Variants in FBXL8 observed in about 807,000 individuals in gnomAD.
FBXL8 encodes F-box and leucine rich repeat protein 8.
A neutral mutation model predicts 8.2 loss-of-function variants in FBXL8; 13 were observed. The observed-to-expected ratio is 1.58, with a 90% CI of 1.03 to 2.51. FBXL8 has a LOEUF of 2.51. Ranked by LOEUF, FBXL8 falls within the 30% of genes most tolerant of loss-of-function variation. The pLI is 0.00. For missense variants in FBXL8, 565 were observed against 540.4 expected (o/e 1.05, Z -0.45); for synonymous variants, 271 against 260.5 (o/e 1.04, Z -0.39).
At position 67,163,255 on chromosome 16, in the gene FBXL8, T is replaced by C; in HGVS notation, c.560T>C (p.Leu187Pro). ...SVGPGSVLEL[L>P]EACPRLRALG... ...GGTCCCGGCTCAGTGCTCGAGCTAC[T>C]GGAGGCCTGCCCGCGCCTGCGCGCT... Residue 187 changes from leucine to proline, a missense_variant, in exon 3 of 3, where the codon CTG becomes CCG. Transcript: ENST00000258200. 1 of 1,567,514 alleles carries C rather than the reference T, an allele frequency of 6.4e-7. No homozygotes were observed. The highest frequency in any genetic ancestry group is 8.6e-7 in the Non-Finnish European group (1 of 1,157,278).
At position 67,163,107 on chromosome 16, in the gene FBXL8, C is replaced by G. The variant is rs533837976; in HGVS notation, c.412C>G (p.Arg138Gly). The change falls in exon 3 of 3, where the codon CGC (arginine) becomes GGC (glycine). Residue 138 changes from arginine to glycine, a missense_variant. Coordinates refer to ENST00000258200, the MANE Select transcript of FBXL8 (RefSeq NM_018378.3). ...HAVCGAASQL[R>G]HLDLRRLSFT... ...TGTATGCGGGGCGGCCAGCCAGCTA[C>G]GCCACCTCGACCTGCGGCGCTTGTC... 11 of 1,581,274 alleles carry G rather than the reference C, an allele frequency of 7.0e-6. No homozygotes were observed. The highest frequency in any genetic ancestry group is 9.4e-6 in the Non-Finnish European group (11 of 1,164,490).
chr16:67,161,958 T>C, intron 2 of FBXL8, 21 bp downstream of exon 2: 1 of 1,582,164 alleles, frequency 6.3e-7, no homozygotes, highest in Non-Finnish European at 8.6e-7. Context: ...TCCTCCACAC[T>C]CCTCTCCCCA....
At chr16:67,162,736 G>A (rs1007643892) in intron 2 of FBXL8, 112 bp from the exon 3 acceptor site, 2 of 1,420,912 alleles carry the variant, frequency 1.4e-6, no homozygotes, top group Non-Finnish European at 9.7e-7. Flanking sequence ...GACGTGGGGA[G>A]GGAGGCAGGA....
chr16:67,160,421 A>G (rs1044197173), intron 1 of FBXL8: 1 of 152,304 alleles, frequency 6.6e-6, no homozygotes, highest in Admixed American at 6.5e-5. Flanking sequence ...CCTTAAAACA[A>G]GATTGGCGGC....
At chr16:67,162,352 G>C in intron 2 of FBXL8, 1 of 517,256 alleles carries the variant, frequency 1.9e-6, no homozygotes, top group Non-Finnish European at 3.5e-6. Flanking sequence ...AATTGCTGAC[G>C]TATTGACTGC....
rs771434965 is a variant in FBXL8, at chr16:67,163,464, G to C, written c.769G>C (p.Glu257Gln). The C allele has an allele frequency of 1.7e-5, 26 of 1,536,232 alleles. No individual in the cohort carries two copies. The Admixed American group carries it at 2.9e-4, about 17-fold the overall frequency. Residue 257 changes from glutamate (E) to glutamine (Q), a missense_variant, in exon 3 of 3, where the codon GAG (glutamate) becomes CAG (glutamine). Glu to Gln is a conservative substitution (Grantham distance 29, BLOSUM62 2). Coordinates refer to ENST00000258200, the MANE Select transcript of FBXL8 (RefSeq NM_018378.3). ...RRHPGLAVEL[E>Q]LEPALPAESV... ...CCACCCTGGGCTGGCAGTGGAGCTG[G>C]AGCTGGAGCCCGCGCTGCCCGCTGA...
At chr16:67,160,390 G>C (rs2030859091) in intron 1 of FBXL8, 1 of 152,240 alleles carries the variant, frequency 6.6e-6, no homozygotes, top group South Asian at 2.1e-4. Context: ...GTGAAGCCTT[G>C]TGTACACAAA....
intron 1 of FBXL8, 72 bp downstream of exon 1, chr16:67,160,128 G>T (rs921677901): frequency 1.3e-5 from 2 of 152,234 alleles, no homozygotes; most frequent in African/African-American, 4.8e-5. Flanking sequence ...TTACGAGGCG[G>T]GGGGCTCGTA....
intron 1 of FBXL8, chr16:67,161,337 G>C (rs1314021224): frequency 6.2e-6 from 1 of 161,540 alleles, no homozygotes; most frequent in East Asian, 1.6e-4. Context: ...CAGCTACTCG[G>C]GAGGCTGAGG....
At position 67,163,958 on chromosome 16, in the gene FBXL8, T is replaced by C. The variant is rs1479155375; in HGVS notation, c.*138T>C. On this transcript the variant is annotated 3_prime_UTR_variant, in exon 3 of 3. Transcript: ENST00000258200. ...CGGGTCTTTACCGAGTTGGGAACTGTGATGGCATCGGGACCAGTCCTGGGC... is the reference window on the plus strand; with the variant it reads ...CGGGTCTTTACCGAGTTGGGAACTGCGATGGCATCGGGACCAGTCCTGGGC... The C allele has an allele frequency of 1.5e-6, 2 of 1,333,106 alleles. No homozygotes were observed. Among genetic ancestry groups the C allele is most frequent in the African/African-American group, 2.9e-5 (2 of 68,694 alleles). 82.6% of individuals were successfully genotyped at this position (1,333,106 alleles called of 1,614,324 possible).
chr16:67,163,523 C>G lies in FBXL8; in HGVS notation c.828C>G (p.Pro276=). 1 of 1,557,736 alleles carries G rather than the reference C, an allele frequency of 6.4e-7. No individual in the cohort carries two copies. The highest frequency in any genetic ancestry group is 8.6e-7 in the Non-Finnish European group (1 of 1,159,906). ...CGCGCGTCCTGCAGCCAGCCGTCCCCGTGGCTGCGCTGCGCCTCAACCTCT... is the reference window on the plus strand; with the variant it reads ...CGCGCGTCCTGCAGCCAGCCGTCCCGGTGGCTGCGCTGCGCCTCAACCTCT... ...SVTRVLQPAV[P]VAALRLNLSG... Residue 276 remains proline (P), a synonymous_variant, in exon 3 of 3, where the codon CCC becomes CCG. Transcript: ENST00000258200.
Position 67,161,761 on chromosome 16 carries a change from C to T in FBXL8, c.-25C>T, listed in dbSNP as rs763575991. 11 of 1,567,550 alleles carry T rather than the reference C, an allele frequency of 7.0e-6. No individual in the cohort carries two copies. The highest frequency in any genetic ancestry group is 1.8e-5 in the Admixed American group (1 of 55,444). ...CCGGAGCTATTGGGAGTGGCGGATC[C>T]TCCCACCCCAGCCGGATCTGGGCCA... On this transcript the variant is annotated 5_prime_UTR_variant, in exon 2 of 3. Transcript: ENST00000258200.
chr16:67,162,275 G>A (rs1307438685), intron 2 of FBXL8: 5 of 412,650 alleles, frequency 1.2e-5, no homozygotes, highest in Non-Finnish European at 2.2e-5. Context: ...GTTGCAGTGA[G>A]CCGAGATGGC....
chr16:67,163,468 T>C lies in FBXL8; in HGVS notation c.773T>C (p.Leu258Pro). Reference sequence around the variant, plus strand: ...CCTGGGCTGGCAGTGGAGCTGGAGCTGGAGCCCGCGCTGCCCGCTGAGAGC... The same window carrying C: ...CCTGGGCTGGCAGTGGAGCTGGAGCCGGAGCCCGCGCTGCCCGCTGAGAGC... Reference protein sequence around the residue: ...RHPGLAVELELEPALPAESVT... With the variant: ...RHPGLAVELEPEPALPAESVT... Residue 258 changes from leucine (L) to proline (P), a missense_variant, in exon 3 of 3, where the codon CTG (leucine) becomes CCG (proline). Leu to Pro is a moderately conservative substitution (Grantham distance 98, BLOSUM62 -3). Coordinates refer to ENST00000258200, the MANE Select transcript of FBXL8 (RefSeq NM_018378.3). 6.5e-7 allele frequency: 1 copy of C among 1,536,270 alleles called. No homozygotes were observed. Among genetic ancestry groups the C allele is most frequent in the Non-Finnish European group, 8.7e-7 (1 of 1,147,294 alleles).
rs1324270090 is a variant in FBXL8, at chr16:67,163,392, C to T, written c.697C>T (p.Arg233Cys). The change falls in exon 3 of 3, where the codon CGC becomes TGC. Residue 233 changes from arginine (R) to cysteine (C), a missense_variant. Transcript: ENST00000258200. The part of the protein sequence containing the change: ...ALRCACPEDA[R>C]ASPLPNEAWV... ...GCGGTGCGCGTGCCCCGAAGATGCACGCGCGTCCCCGCTGCCCAACGAAGC... is the reference window on the plus strand; with the variant it reads ...GCGGTGCGCGTGCCCCGAAGATGCATGCGCGTCCCCGCTGCCCAACGAAGC... The T allele has an allele frequency of 1.3e-6, 2 of 1,539,386 alleles. No homozygotes were observed. Among genetic ancestry groups the T allele is most frequent in the Admixed American group, 1.9e-5 (1 of 51,618 alleles).
At chr16:67,162,268 G>T in intron 2 of FBXL8, 1 of 405,330 alleles carries the variant, frequency 2.5e-6, no homozygotes, top group South Asian at 3.3e-5. Flanking sequence ...GGCAAAGGTT[G>T]CAGTGAGCCG....
At position 67,163,424 on chromosome 16, in the gene FBXL8, C is replaced by G. The variant is rs778268984; in HGVS notation, c.729C>G (p.Val243=). The G allele has an allele frequency of 7.2e-6, 11 of 1,536,012 alleles. No homozygotes were observed. Among genetic ancestry groups the G allele is most frequent in the African/African-American group, 5.5e-5 (4 of 72,772 alleles). The part of the protein sequence containing the change: ...RASPLPNEAW[V]ALRRRHPGLA... ...CCCCGCTGCCCAACGAAGCCTGGGT[C>G]GCGTTGCGCCGCCGCCACCCTGGGC... is the stretch of plus-strand genomic sequence containing the variant. Residue 243 remains valine, a synonymous_variant, in exon 3 of 3, where the codon GTC becomes GTG. Coordinates refer to ENST00000258200, the MANE Select transcript of FBXL8 (RefSeq NM_018378.3).
In FBXL8 at chr16:67,163,872, A is replaced by AG; in HGVS notation, c.*52_*53insG. 1 of 1,338,742 alleles carries AG rather than the reference A, an allele frequency of 7.5e-7. No individual in the cohort carries two copies. The highest frequency in any genetic ancestry group is 3.5e-5 in the African/African-American group (1 of 28,192). 82.9% of individuals were successfully genotyped at this position (1,338,742 alleles called of 1,614,324 possible). A position where few individuals can be genotyped will look rare whatever the true frequency, so the allele number is the denominator to read the frequency against. ...GTGGACGTAAGCGCTCTGAGAGGGA[A>AG]CGGGGGGGGTGTCCAGGCGCGCCCC... On this transcript the variant is annotated 3_prime_UTR_variant, in exon 3 of 3. Transcript: ENST00000258200.
At position 67,161,863 on chromosome 16, in the gene FBXL8, T is replaced by C. The variant is rs1027775162; in HGVS notation, c.78T>C (p.Ala26=). 1.9e-6 allele frequency: 3 copies of C among 1,610,862 alleles called. No homozygotes were observed. The highest frequency in any genetic ancestry group is 1.3e-5 in the African/African-American group (1 of 75,014). The change falls in exon 2 of 3, where the codon GCT becomes GCC. Residue 26 remains alanine (A), a synonymous_variant. Transcript: ENST00000258200. ...GCCACCTGTCCCTGAGAGACCGTGC[T>C]GCCGCCGCCAGGGTCTGCAGGGCCT... is the stretch of plus-strand genomic sequence containing the variant. ...IFRHLSLRDR[A]AAARVCRAWA... is the part of the protein sequence containing the mutation.
Sources: allele counts gnomAD v4.1 joint callset, GRCh38; gene constraint gnomAD v4.1.1; transcripts MANE v1.5; gene names NCBI Gene and HGNC (gene_info 2026-07-23, HGNC 2026-07-21).